PHKB: variants seen among roughly 807,000 people sequenced by gnomAD.
PHKB encodes the protein phosphorylase b kinase regulatory subunit beta.
A neutral mutation model predicts 152.1 loss-of-function variants in PHKB; 122 were observed. That is an observed-to-expected ratio of 0.80 (90% CI 0.69 to 0.93). The LOEUF (loss-of-function observed/expected upper bound fraction) is 0.93, where lower values mean the gene tolerates loss of function less well. Ranked by LOEUF, PHKB falls within the 40% of genes least tolerant of loss-of-function variation. The pLI is 0.00. For missense variants in PHKB, 1,304 were observed against 1,328.4 expected, an observed-to-expected ratio of 0.98 and a Z score of 0.29; for synonymous variants, 436 against 464.9, an observed-to-expected ratio of 0.94 and a Z score of 0.80.
intron 28 of PHKB, 79 bp from the exon 29 acceptor site, chr16:47,696,302 T>C: frequency 2.5e-6 from 2 of 793,138 alleles, no homozygotes; most frequent in Non-Finnish European, 4.5e-6. Context: ...CTATTAATGA[T>C]TAGAAAATGA....
At chr16:47,660,935 T>C in intron 22 of PHKB, 116 bp downstream of exon 22, 2 of 1,005,466 alleles carry the variant, frequency 2.0e-6, no homozygotes, top group Admixed American at 1.8e-5. Flanking sequence ...AATCTGGAGG[T>C]GGATGACTTG....
chr16:47,554,039 G>A (rs992595494), intron 7 of PHKB, among the ~76,000 whole-genome samples: 1 of 152,212 alleles, frequency 6.6e-6, no homozygotes, highest in East Asian at 1.9e-4. Context: ...TGAGGAGGCA[G>A]TCTGACCCTT....
intron 6 of PHKB, among the ~76,000 whole-genome samples, chr16:47,522,328 CAT>C (rs1235567851): frequency 6.6e-6 from 1 of 152,050 alleles, no homozygotes; most frequent in African/African-American, 2.4e-5. Flanking sequence ...TTTGTTGGCA[CAT>C]ATTAGTTCAT....
At chr16:47,531,078 A>G (rs571811422) in intron 6 of PHKB, among the ~76,000 whole-genome samples, 1 of 152,274 alleles carries the variant, frequency 6.6e-6, no homozygotes, top group South Asian at 2.1e-4. Context: ...CAACAATGTG[A>G]TATTAGTATG....
intron 14 of PHKB, among the ~76,000 whole-genome samples, chr16:47,620,239 A>C (rs1016148641): frequency 6.6e-6 from 1 of 152,220 alleles, no homozygotes; most frequent in African/African-American, 2.4e-5. Flanking sequence ...AAATATTCTG[A>C]TATGAAAATG....
chr16:47,538,338 T>C lies in PHKB; in HGVS notation c.595-9095T>C, dbSNP rs143221489. On this transcript the variant is annotated intron_variant, in intron 6 of 30. Transcript: ENST00000323584. The stretch of plus-strand genomic sequence containing the variant: ...ACACAGGAAGGTTTCCCTTAAGGTA[T>C]ATAGGCAAGGTAGCCCGAGTTGGGT... Among the ~76,000 whole-genome samples, 12 of 152,348 alleles carry C rather than the reference T, an allele frequency of 7.9e-5. No individual in the cohort carries two copies. In the East Asian group the frequency reaches 2.3e-3, roughly 29 times the overall value.
chr16:47,557,359 C>T (rs936915293), intron 7 of PHKB, among the ~76,000 whole-genome samples: 1 of 152,138 alleles, frequency 6.6e-6, no homozygotes, highest in Non-Finnish European at 1.5e-5. Context: ...AAAGCAATGG[C>T]AACAAAAGCC....
rs1973485858 is a variant in PHKB, at chr16:47,663,741, A to G, written c.2336+7A>G. 2 of 1,517,326 alleles carry G rather than the reference A, an allele frequency of 1.3e-6. No individual in the cohort carries two copies. The highest frequency in any genetic ancestry group is 1.7e-5 in the Admixed American group (1 of 59,876). The allele number at this position is 1,517,326 out of a possible 1,614,324, so 94.0% of individuals were successfully genotyped here. On this transcript the variant is annotated splice_region_variant and intron_variant, in intron 24 of 30. Coordinates refer to ENST00000323584, the MANE Select transcript of PHKB (RefSeq NM_000293.3). Reference sequence around the variant, plus strand: ...CTGGCAGCCAAAAACTTTGGTTTGTATTAGTGTCCTTGTTGTTATGTTTTA... The same window carrying G: ...CTGGCAGCCAAAAACTTTGGTTTGTGTTAGTGTCCTTGTTGTTATGTTTTA...
Position 47,560,865 on chromosome 16 carries a change from ATATGT to A in PHKB, c.710+13322_710+13326del, listed in dbSNP as rs1267269617. ...ATTTTATATCAATTGAAAAGTAATA[ATATGT>A]TATGATAGGGATGGAAAGATAGAAG... is the stretch of plus-strand genomic sequence containing the variant. On this transcript the variant is annotated intron_variant, in intron 7 of 30. Coordinates refer to ENST00000323584, the MANE Select transcript of PHKB (RefSeq NM_000293.3). 3.1e-4 allele frequency among the ~76,000 whole-genome samples: 47 copies of A among 152,298 alleles called. No individual in the cohort carries two copies. The Middle Eastern group carries it at 0.017, about 55-fold the overall frequency.
chr16:47,577,899 T>C (rs1232073781), intron 7 of PHKB, among the ~76,000 whole-genome samples: 1 of 152,154 alleles, frequency 6.6e-6, no homozygotes, highest in Non-Finnish European at 1.5e-5. Context: ...TCTTGCTAAG[T>C]GGGAATTTTC....
chr16:47,685,820 C>A (rs1023514819), intron 26 of PHKB, among the ~76,000 whole-genome samples: 7 of 150,938 alleles, frequency 4.6e-5, no homozygotes, highest in Admixed American at 4.6e-4. Flanking sequence ...CGGCTCACTG[C>A]AAGCTCCGCC....
chr16:47,693,430 G>C lies in PHKB; in HGVS notation c.2818G>C (p.Gly940Arg). Residue 940 changes from glycine (G) to arginine (R), a missense_variant, in exon 28 of 31, where the codon GGG becomes CGG. Coordinates refer to ENST00000323584, the MANE Select transcript of PHKB (RefSeq NM_000293.3). ...IDGSLNRTPT[G>R]FYDRVWQILE... ...TGGGTCTTTGAATAGAACTCCCACCGGGTTCTATGACCGAGTGTGGCAGAT... is the reference window on the plus strand; with the variant it reads ...TGGGTCTTTGAATAGAACTCCCACCCGGTTCTATGACCGAGTGTGGCAGAT... 6.2e-7 allele frequency: 1 copy of C among 1,613,974 alleles called. No homozygotes were observed. Among genetic ancestry groups the C allele is most frequent in the Non-Finnish European group, 8.5e-7 (1 of 1,179,918 alleles).
chr16:47,630,002 C>T (rs1319332510), intron 14 of PHKB, among the ~76,000 whole-genome samples: 1 of 145,418 alleles, frequency 6.9e-6, no homozygotes, highest in Non-Finnish European at 1.5e-5. Flanking sequence ...GGAAGGGGAA[C>T]ATCACACTCT....
chr16:47,495,969 T>C (rs561535236), intron 1 of PHKB, among the ~76,000 whole-genome samples: 1 of 152,320 alleles, frequency 6.6e-6, no homozygotes, highest in South Asian at 2.1e-4. Context: ...GTTGCCTGAA[T>C]GTATAGGCCC....
intron 1 of PHKB, among the ~76,000 whole-genome samples, chr16:47,466,321 A>G (rs1267844843): frequency 6.6e-6 from 1 of 152,244 alleles, no homozygotes; most frequent in Non-Finnish European, 1.5e-5. Flanking sequence ...GAAGGAATGT[A>G]GCATTCAATA....
chr16:47,491,185 A>G (rs1292764727), intron 1 of PHKB, among the ~76,000 whole-genome samples: 1 of 152,106 alleles, frequency 6.6e-6, no homozygotes, highest in Non-Finnish European at 1.5e-5. Flanking sequence ...TTCCAGCATA[A>G]GTAAGGGTGT....
intron 26 of PHKB, among the ~76,000 whole-genome samples, chr16:47,681,692 A>G (rs977155914): frequency 1.3e-5 from 2 of 152,094 alleles, no homozygotes; most frequent in African/African-American, 4.8e-5. Flanking sequence ...TTTCCTGAAT[A>G]CAGCACACTG....
chr16:47,692,696 G>T (rs1014579777), intron 27 of PHKB, among the ~76,000 whole-genome samples: 5 of 152,026 alleles, frequency 3.3e-5, no homozygotes, highest in African/African-American at 1.2e-4. Context: ...TTAGCAGTTT[G>T]TGAATGATGT....
At chr16:47,639,761 A>G (rs1333535448) in intron 14 of PHKB, among the ~76,000 whole-genome samples, 1 of 152,180 alleles carries the variant, frequency 6.6e-6, no homozygotes, top group Admixed American at 6.6e-5. Context: ...TTTTTATTTA[A>G]GAATCCCACA....
Sources: gnomAD v4.1 joint callset for allele counts (sites outside exome capture counted in the v4.1 genomes callset) on GRCh38, gnomAD v4.1.1 for gene constraint, MANE v1.5 for transcripts, NCBI Gene and HGNC (gene_info 2026-07-23, HGNC 2026-07-21) for gene names.